The following CDON variants were observed in gnomAD, a reference collection of about 807,000 sequenced individuals.
CDON encodes cell adhesion associated, oncogene regulated.
CDON carries 73 observed loss-of-function variants against 120.9 expected under a neutral mutation model. The observed-to-expected ratio is 0.60, with a 90% CI of 0.50 to 0.73. The LOEUF (loss-of-function observed/expected upper bound fraction) is 0.73, where lower values mean the gene tolerates loss of function less well. CDON is among the 30% of genes least tolerant of loss of function. The probability of loss-of-function intolerance (pLI) is 0.00; values close to 1 mark genes in which losing one functional copy is unlikely to be tolerated. For missense variants in CDON, 1,470 were observed against 1,587.3 expected (o/e 0.93, Z 1.26); for synonymous variants, 566 against 573.5 (o/e 0.99, Z 0.19).
At chr11:126,040,985 T>C (rs1026044955) in intron 1 of CDON, among the ~76,000 whole-genome samples, 3 of 151,404 alleles carry the variant, frequency 2.0e-5, no homozygotes, top group African/African-American at 7.3e-5. Flanking sequence ...GGTCAGGAGT[T>C]CCAGACCAGC....
At chr11:126,001,981 G>A in intron 10 of CDON, 131 bp from the exon 11 acceptor site, 1 of 713,890 alleles carries the variant, frequency 1.4e-6, no homozygotes, top group Non-Finnish European at 2.5e-6. Flanking sequence ...GCATCTAAAT[G>A]TAAGACCTAC....
At chr11:126,056,838 T>C (rs1948692804) in intron 1 of CDON, among the ~76,000 whole-genome samples, 1 of 152,242 alleles carries the variant, frequency 6.6e-6, no homozygotes, top group African/African-American at 2.4e-5. Context: ...TATAACATCC[T>C]AGCTCCACTT....
rs1252100959 is a variant in CDON at position 126,010,405 on chromosome 11, C to A, written c.1488G>T (p.Gly496=). 3 of 1,614,110 alleles carry A rather than the reference C, an allele frequency of 1.9e-6. No homozygotes were observed. Among genetic ancestry groups the A allele is most frequent in the East Asian group, 2.2e-5 (1 of 44,854 alleles). ...CATTTGCAGCTTCGCAGATGTATTT[C>A]CCCGCATGTTCCTGAGTCACAGCCT... ...HIQAVTQEHA[G]KYICEAANEH... is the part of the protein sequence containing the mutation. The change falls in exon 8 of 20, where the codon GGG becomes GGT. Residue 496 remains glycine, a synonymous_variant. Transcript: ENST00000531738.
At chr11:126,020,643 A>C (rs1947606420) in intron 3 of CDON, among the ~76,000 whole-genome samples, 1 of 152,238 alleles carries the variant, frequency 6.6e-6, no homozygotes. Context: ...GTTTTCCATT[A>C]CTGGAAGCCA....
chr11:125,981,374 G>A (rs554661393), intron 16 of CDON, 45 bp from the exon 17 acceptor site: 116 of 1,500,916 alleles, frequency 7.7e-5, no homozygotes, highest in Non-Finnish European at 9.2e-5. Context: ...ACACACACAC[G>A]CACGCACACA....
chr11:126,042,479 G>T (rs1020841552), intron 1 of CDON, among the ~76,000 whole-genome samples: 1 of 152,156 alleles, frequency 6.6e-6, no homozygotes, highest in African/African-American at 2.4e-5. Context: ...ACAAGAACTG[G>T]ATTGTGCAGA....
Position 125,994,386 on chromosome 11 carries a change from T to C in CDON, c.2548A>G (p.Ile850Val), listed in dbSNP as rs1288313367. The change falls in exon 14 of 20, where the codon ATT becomes GTT. Residue 850 changes from isoleucine to valine, a missense_variant. Physicochemically the swap from Ile to Val is conservative, Grantham distance 29 (BLOSUM62 3). Coordinates refer to ENST00000531738, the MANE Select transcript of CDON (RefSeq NM_001378964.1). ...DTQIMLKWTY[I>V]PSSNNNTPIQ... ...GGAGTGTTATTGTTACTTGATGGAATGTACTAAAAAACAGAAGCAAAGACT... is the reference window on the plus strand; with the variant it reads ...GGAGTGTTATTGTTACTTGATGGAACGTACTAAAAAACAGAAGCAAAGACT... 2.0e-6 allele frequency: 3 copies of C among 1,514,002 alleles called. No homozygotes were observed. Among genetic ancestry groups the C allele is most frequent in the Non-Finnish European group, 1.8e-6 (2 of 1,088,782 alleles). 93.8% of individuals were successfully genotyped at this position (1,514,002 alleles called of 1,614,324 possible).
intron 1 of CDON, among the ~76,000 whole-genome samples, chr11:126,027,529 T>C (rs1947824672): frequency 6.6e-6 from 1 of 152,232 alleles, no homozygotes; most frequent in Non-Finnish European, 1.5e-5. Context: ...TGCAAATGCA[T>C]GTGTGTGTAC....
intron 17 of CDON, 70 bp downstream of exon 17, chr11:125,980,979 T>C: frequency 2.7e-6 from 4 of 1,485,464 alleles, no homozygotes; most frequent in South Asian, 1.1e-5. Flanking sequence ...AAGCCAAGCA[T>C]GCTGTCCCTG....
intron 18 of CDON, among the ~76,000 whole-genome samples, chr11:125,974,390 A>AAGGG (rs149644937): frequency 2.8e-4 from 13 of 46,054 alleles, no homozygotes; most frequent in East Asian, 1.2e-3. Context: ...GGAAGGAAGG[A>AAGGG]AGGGAGGGAG....
intron 1 of CDON, among the ~76,000 whole-genome samples, chr11:126,059,925 G>C (rs913192165): frequency 6.7e-6 from 1 of 149,934 alleles, no homozygotes; most frequent in African/African-American, 2.5e-5. Flanking sequence ...GGGAAAACTT[G>C]AAGGATTAAA....
intron 1 of CDON, among the ~76,000 whole-genome samples, chr11:126,052,681 G>A (rs1291586497): frequency 6.6e-6 from 1 of 152,048 alleles, no homozygotes; most frequent in African/African-American, 2.4e-5. Context: ...AAATTAGCCG[G>A]GCATGGTGGC....
At chr11:126,042,810 A>G (rs1267591851) in intron 1 of CDON, among the ~76,000 whole-genome samples, 1 of 152,054 alleles carries the variant, frequency 6.6e-6, no homozygotes, top group Admixed American at 6.6e-5. Flanking sequence ...TTTAGTAGAG[A>G]CCGGGTTTCA....
intron 9 of CDON, 127 bp from the exon 10 acceptor site, chr11:126,004,203 G>T: frequency 1.1e-6 from 1 of 932,120 alleles, no homozygotes; most frequent in Non-Finnish European, 1.7e-6. Context: ...ATACAGCATG[G>T]TAAGTAAAAA....
chr11:125,994,003 G>A (rs1411048140), intron 14 of CDON, among the ~76,000 whole-genome samples: 1 of 152,172 alleles, frequency 6.6e-6, no homozygotes, highest in Admixed American at 6.5e-5. Context: ...TCAGGTCACT[G>A]TTCATTTAAA....
chr11:125,957,032 C>T lies in CDON; in HGVS notation c.*3910G>A. On this transcript the variant is annotated 3_prime_UTR_variant, in exon 20 of 20. Coordinates refer to ENST00000531738, the MANE Select transcript of CDON (RefSeq NM_001378964.1). ...TTAGGGCAGTAAAACAAAACGTTTT[C>T]ACAAGGAGGCTAAATTTCTATCCTG... is the stretch of plus-strand genomic sequence containing the variant. 5.1e-6 allele frequency: 1 copy of T among 195,328 alleles called. No individual in the cohort carries two copies. Among genetic ancestry groups the T allele is most frequent in the Non-Finnish European group, 9.3e-6 (1 of 107,520 alleles). The allele number at this position is 195,328 out of a possible 1,614,324, so 12.1% of individuals were successfully genotyped here.
chr11:126,046,281 G>T (rs1385238326), intron 1 of CDON, among the ~76,000 whole-genome samples: 1 of 152,070 alleles, frequency 6.6e-6, no homozygotes, highest in Non-Finnish European at 1.5e-5. Context: ...TTCTATAAAT[G>T]CAATGCAATA....
chr11:125,969,886 T>C (rs1486637614), intron 18 of CDON, among the ~76,000 whole-genome samples: 2 of 152,208 alleles, frequency 1.3e-5, no homozygotes, highest in Non-Finnish European at 2.9e-5. Context: ...TAGTGTAGGA[T>C]TGTGCTTGGA....
In CDON at chr11:126,034,340, C is replaced by T. The variant is rs1433898442; in HGVS notation, c.-61-10803G>A. Among the ~76,000 whole-genome samples, 3 of 152,122 alleles carry T rather than the reference C, an allele frequency of 2.0e-5. No individual in the cohort carries two copies. Among genetic ancestry groups the T allele is most frequent in the Non-Finnish European group, 4.4e-5 (3 of 68,022 alleles). ...ATGAGCAAAGAAATAATCAACTCCA[C>T]ATGAGCCTCTTCAGCTCCAACACAA... On this transcript the variant is annotated intron_variant, in intron 1 of 19. Transcript: ENST00000531738. This position sits in a 1 kb window ranked among gnomAD's most constrained non-coding sequence, Gnocchi z 4.5.
Sources: allele counts gnomAD v4.1 joint callset (sites outside exome capture counted in the v4.1 genomes callset), GRCh38; gene constraint gnomAD v4.1.1; non-coding constraint Gnocchi (gnomAD v3.1); transcripts MANE v1.5; gene names NCBI Gene and HGNC (gene_info 2026-07-23, HGNC 2026-07-21).